The following PDS5B variants were observed in gnomAD, a reference collection of about 807,000 sequenced individuals.
PDS5B encodes PDS5 cohesin associated factor B, also known as sister chromatid cohesion protein PDS5 homolog B.
A neutral mutation model predicts 184.1 loss-of-function variants in PDS5B; 51 were observed. The ratio of observed to expected loss-of-function variants is 0.28; its 90% CI spans 0.22 to 0.35. PDS5B has a LOEUF of 0.35. PDS5B is among the 10% of genes least tolerant of loss of function. The probability of loss-of-function intolerance (pLI) is 1.00; values close to 1 mark genes in which losing one functional copy is unlikely to be tolerated. For missense variants in PDS5B, 1,180 were observed against 1,723.3 expected (o/e 0.68, Z 5.58); for synonymous variants, 566 against 569.2 (o/e 0.99, Z 0.08).
chr13:32,734,706 A>G (rs1045129279), intron 20 of PDS5B, among the ~76,000 whole-genome samples: 2 of 152,152 alleles, frequency 1.3e-5, no homozygotes, highest in Admixed American at 6.5e-5. Flanking sequence ...ACCTCAGTGC[A>G]TATGTGGCAT....
At chr13:32,640,105 A>G (rs2058632694) in intron 1 of PDS5B, among the ~76,000 whole-genome samples, 1 of 152,138 alleles carries the variant, frequency 6.6e-6, no homozygotes, top group Admixed American at 6.6e-5. Context: ...ATCTATGAAC[A>G]TTTATTTATG....
rs188647234 is a variant in PDS5B at position 32,622,574 on chromosome 13, A to C, written c.-19-26180A>C. Among the ~76,000 whole-genome samples, 81 of 152,300 alleles carry C rather than the reference A, an allele frequency of 5.3e-4. 2 individuals are homozygous for C. Among genetic ancestry groups the C allele is most frequent in the East Asian group, 4.8e-3 (25 of 5,192 alleles). On this transcript the variant is annotated intron_variant, in intron 1 of 34. Coordinates refer to ENST00000315596, the MANE Select transcript of PDS5B (RefSeq NM_015032.4). ...TTAATTACCTTGTTTAAGTCTTCTT[A>C]TGTCTTTACTAGTTTTTCTAGTATA... is the stretch of plus-strand genomic sequence containing the variant.
intron 3 of PDS5B, among the ~76,000 whole-genome samples, chr13:32,656,273 C>CTTTTTTTTTTTT (rs71071057): frequency 2.1e-4 from 20 of 96,780 alleles, no homozygotes; most frequent in African/African-American, 7.2e-4. Flanking sequence ...TCTCCAGCTT[C>CTTTTTTTTTTTT]TTTTTTTTTT....
chr13:32,757,512 G>A lies in PDS5B; in HGVS notation c.3057-575G>A, dbSNP rs565021940. On this transcript the variant is annotated intron_variant, in intron 26 of 34. Coordinates refer to ENST00000315596, the MANE Select transcript of PDS5B (RefSeq NM_015032.4). ...TACATAGGCAAAACACTTTCATTTTGTATTGAATAGAGTTTTACGTAATTA... is the reference window on the plus strand; with the variant it reads ...TACATAGGCAAAACACTTTCATTTTATATTGAATAGAGTTTTACGTAATTA... 1.1e-4 allele frequency among the ~76,000 whole-genome samples: 16 copies of A among 151,884 alleles called. No individual in the cohort carries two copies. In the South Asian group the frequency reaches 2.9e-3, roughly 28 times the overall value.
chr13:32,677,929 C>T (rs904147042), intron 9 of PDS5B, among the ~76,000 whole-genome samples: 2 of 151,900 alleles, frequency 1.3e-5, no homozygotes, highest in Middle Eastern at 3.4e-3. Context: ...ACAGACGGAA[C>T]ATCAGTGGTT....
At chr13:32,598,774 T>C (rs1389722134) in intron 1 of PDS5B, among the ~76,000 whole-genome samples, 1 of 148,512 alleles carries the variant, frequency 6.7e-6, no homozygotes, top group Non-Finnish European at 1.5e-5. Flanking sequence ...TTCTCTCTTT[T>C]TTTTTTTTTT....
chr13:32,655,535 C>T (rs931702890), intron 3 of PDS5B, among the ~76,000 whole-genome samples: 6 of 150,954 alleles, frequency 4.0e-5, no homozygotes, highest in Non-Finnish European at 5.9e-5. Context: ...CCCGTCACCA[C>T]GCCCAGCTAA....
At chr13:32,754,817 A>G (rs1248727709) in intron 25 of PDS5B, among the ~76,000 whole-genome samples, 1 of 152,110 alleles carries the variant, frequency 6.6e-6, no homozygotes, top group Non-Finnish European at 1.5e-5. Context: ...TGTGTTAGCC[A>G]TTCTTATTTT....
At chr13:32,733,720 A>T (rs1360693504) in intron 20 of PDS5B, among the ~76,000 whole-genome samples, 1 of 152,180 alleles carries the variant, frequency 6.6e-6, no homozygotes, top group African/African-American at 2.4e-5. Flanking sequence ...ACTTGTTTCA[A>T]CATCAGAAGG....
intron 19 of PDS5B, among the ~76,000 whole-genome samples, chr13:32,724,770 A>G (rs1319229854): frequency 6.6e-6 from 1 of 152,092 alleles, no homozygotes; most frequent in African/African-American, 2.4e-5. Context: ...TTGTAGAGAC[A>G]GAGTTTCACC....
intron 1 of PDS5B, among the ~76,000 whole-genome samples, chr13:32,640,304 C>T (rs538885370): frequency 4.6e-5 from 7 of 152,258 alleles, no homozygotes; most frequent in South Asian, 2.1e-4. Context: ...TGGAGTGCAA[C>T]GGCACGATCT....
chr13:32,722,894 C>T (rs1220603929), intron 19 of PDS5B, among the ~76,000 whole-genome samples: 1 of 152,168 alleles, frequency 6.6e-6, no homozygotes, highest in African/African-American at 2.4e-5. Context: ...CCTTAAGAAG[C>T]TCTAGTGTCT....
chr13:32,602,628 G>A (rs573458837), intron 1 of PDS5B, among the ~76,000 whole-genome samples: 5 of 152,184 alleles, frequency 3.3e-5, no homozygotes, highest in Admixed American at 2.6e-4. Context: ...GGGATGGCTG[G>A]GTCAAATGGT....
intron 6 of PDS5B, among the ~76,000 whole-genome samples, chr13:32,665,603 A>AG (rs1950768712): frequency 6.7e-6 from 1 of 150,132 alleles, no homozygotes; most frequent in East Asian, 1.9e-4. Flanking sequence ...AAAAAAAAAA[A>AG]AAAAAAAAAA....
chr13:32,740,255 G>GT (rs1361028319), intron 21 of PDS5B, among the ~76,000 whole-genome samples: 1 of 152,056 alleles, frequency 6.6e-6, no homozygotes, highest in African/African-American at 2.4e-5. Context: ...CTTTTTGGTA[G>GT]TTTCTTTATG....
At chr13:32,629,950 A>G (rs1266920477) in intron 1 of PDS5B, among the ~76,000 whole-genome samples, 1 of 152,208 alleles carries the variant, frequency 6.6e-6, no homozygotes, top group East Asian at 1.9e-4. Context: ...TAGGCTTTTA[A>G]TGGGTTACTT....
intron 1 of PDS5B, among the ~76,000 whole-genome samples, chr13:32,586,809 C>T (rs1238053053): frequency 7.4e-6 from 1 of 134,688 alleles, no homozygotes; most frequent in Non-Finnish European, 1.6e-5. Flanking sequence ...GGGCGCGGGC[C>T]GGCTGCGCGG....
At chr13:32,601,136 T>A (rs1289586249) in intron 1 of PDS5B, among the ~76,000 whole-genome samples, 1 of 152,198 alleles carries the variant, frequency 6.6e-6, no homozygotes, top group Non-Finnish European at 1.5e-5. Context: ...ATACTTCCCC[T>A]TCTTTCATGA....
At chr13:32,667,898 C>T (rs1277260282) in intron 7 of PDS5B, 54 bp downstream of exon 7, 18 of 1,106,948 alleles carry the variant, frequency 1.6e-5, no homozygotes, top group Non-Finnish European at 2.2e-5. Context: ...AATTTAAAGA[C>T]TTGCTAGAAG....
Sources: allele counts gnomAD v4.1 joint callset (sites outside exome capture counted in the v4.1 genomes callset), GRCh38; gene constraint gnomAD v4.1.1; transcripts MANE v1.5; gene names NCBI Gene and HGNC (gene_info 2026-07-23, HGNC 2026-07-21).